Variants in TLL2 observed in about 807,000 individuals in gnomAD.
The protein encoded by TLL2 is tolloid like 2.
Under a neutral mutation model 123.0 loss-of-function variants are expected in TLL2, and 106 were observed. That is an observed-to-expected ratio of 0.86 (90% CI 0.74 to 1.01). The LOEUF (loss-of-function observed/expected upper bound fraction) is 1.01, where lower values mean the gene tolerates loss of function less well. Among genes scored for constraint, TLL2 ranks in the 50% least tolerant of loss-of-function variants. TLL2 has a pLI of 0.00. For missense variants in TLL2, 1,332 were observed against 1,336.7 expected (o/e 1.00, Z 0.06); for synonymous variants, 494 against 516.8 (o/e 0.96, Z 0.60).
At chr10:96,497,120 A>C (rs912082420) in intron 1 of TLL2, among the ~76,000 whole-genome samples, 1 of 145,890 alleles carries the variant, frequency 6.9e-6, no homozygotes, top group Non-Finnish European at 1.5e-5. Flanking sequence ...GTCTCTGCTA[A>C]AAAAAAAAAA....
At chr10:96,485,027 A>C (rs1237449617) in intron 1 of TLL2, among the ~76,000 whole-genome samples, 1 of 152,206 alleles carries the variant, frequency 6.6e-6, no homozygotes, top group East Asian at 1.9e-4. Flanking sequence ...CCAGATCTCC[A>C]TCTCCCTTTT....
intron 2 of TLL2, among the ~76,000 whole-genome samples, chr10:96,473,652 G>T (rs764335566): frequency 6.6e-6 from 1 of 152,158 alleles, no homozygotes; most frequent in Non-Finnish European, 1.5e-5. Flanking sequence ...ACATGGCCCC[G>T]TGGCTCAGAA....
At chr10:96,422,482 C>T (rs1028275636) in intron 6 of TLL2, 67 bp downstream of exon 6, 1 of 1,581,008 alleles carries the variant, frequency 6.3e-7, no homozygotes, top group Admixed American at 1.7e-5. Context: ...CTCCTTCCCT[C>T]CCTCCTGTCC....
rs56359235 is a variant in TLL2 at position 96,447,948 on chromosome 10, T to C, written c.287-1780A>G. 4.7e-3 allele frequency among the ~76,000 whole-genome samples: 717 copies of C among 152,136 alleles called. 7 individuals carry two copies. The highest frequency in any genetic ancestry group is 0.016 in the African/African-American group (680 of 41,494). On this transcript the variant is annotated intron_variant, in intron 2 of 20. Coordinates refer to ENST00000357947, the MANE Select transcript of TLL2 (RefSeq NM_012465.4). ...TTCCCTGGCCCCACAGATAAAGGCT[T>C]CCCACGCTGCTCAACCAAGGCTCAC...
At chr10:96,378,819 T>A in intron 17 of TLL2, 148 bp downstream of exon 17, 1 of 1,080,036 alleles carries the variant, frequency 9.3e-7, no homozygotes, top group South Asian at 1.6e-5. Context: ...TGGGGAAAAC[T>A]CTCCCGCAAG....
intron 1 of TLL2, among the ~76,000 whole-genome samples, chr10:96,481,910 A>T (rs1038794075): frequency 3.9e-5 from 6 of 152,206 alleles, no homozygotes; most frequent in African/African-American, 1.4e-4. Context: ...GGTTGATGAA[A>T]ATTCAGCATT....
chr10:96,395,320 C>T lies in TLL2; in HGVS notation c.1593G>A (p.Glu531=). ...YLEVRDGPTE[E]SALIGHFCGY... ...CACAAAAGTGGCCGATCAGGGCACT[C>T]TCTTCCGTGGGGCCATCCCGGACTT... The change falls in exon 13 of 21, where the codon GAG becomes GAA. Residue 531 remains glutamate, a synonymous_variant. Coordinates refer to ENST00000357947, the MANE Select transcript of TLL2 (RefSeq NM_012465.4). 6.2e-7 allele frequency: 1 copy of T among 1,613,838 alleles called. No homozygotes were observed. The highest frequency in any genetic ancestry group is 8.5e-7 in the Non-Finnish European group (1 of 1,179,934).
At chr10:96,492,274 C>T (rs1043387645) in intron 1 of TLL2, among the ~76,000 whole-genome samples, 2 of 151,620 alleles carry the variant, frequency 1.3e-5, no homozygotes, top group Admixed American at 6.6e-5. Context: ...CAAGGTCATG[C>T]AGGCAGGAAG....
chr10:96,468,740 G>GC (rs1167563195), intron 2 of TLL2, among the ~76,000 whole-genome samples: 1 of 152,128 alleles, frequency 6.6e-6, no homozygotes, highest in Admixed American at 6.5e-5. Context: ...CACCACCCTT[G>GC]CCCCACCTGG....
chr10:96,414,348 C>T (rs1167286227), intron 7 of TLL2, among the ~76,000 whole-genome samples: 4 of 152,204 alleles, frequency 2.6e-5, no homozygotes, highest in African/African-American at 9.7e-5. Context: ...TCTCAATCCA[C>T]CTGTGATCTG....
At position 96,373,819 on chromosome 10, in the gene TLL2, G is replaced by A. The variant is rs112497848; in HGVS notation, c.2449-10C>T. On this transcript the variant is annotated splice_polypyrimidine_tract_variant and intron_variant, in intron 18 of 20. Transcript: ENST00000357947. ...CAAACTCATTAAAGGTCTGGGGACA[G>A]AAGAGCAGAAAGTAAGGCAAGGGCC... 2 of 1,611,678 alleles carry A rather than the reference G, an allele frequency of 1.2e-6. No individual in the cohort carries two copies. Among genetic ancestry groups the A allele is most frequent in the African/African-American group, 1.3e-5 (1 of 75,026 alleles).
chr10:96,433,908 T>C (rs112993307), intron 3 of TLL2, among the ~76,000 whole-genome samples: 1,538 of 152,188 alleles, frequency 0.01, 29 homozygotes, highest in African/African-American at 0.033. Context: ...CCCGAGTAGT[T>C]GGTATAACAG....
intron 2 of TLL2, among the ~76,000 whole-genome samples, chr10:96,476,857 TACACACACACACACAC>T (rs56240059): frequency 1.2e-4 from 14 of 117,264 alleles, no homozygotes; most frequent in Admixed American, 3.4e-4. Flanking sequence ...CCTTTTATGT[TACACACACACACACAC>T]ACACACACAC....
At chr10:96,375,352 C>T (rs889376100) in intron 18 of TLL2, 4 of 152,218 alleles carry the variant, frequency 2.6e-5, no homozygotes, top group Non-Finnish European at 5.9e-5. Context: ...AGCCACCATC[C>T]GTTTCCCAAG....
chr10:96,392,082 T>C (rs1193559147), intron 13 of TLL2, among the ~76,000 whole-genome samples: 1 of 152,192 alleles, frequency 6.6e-6, no homozygotes, highest in Non-Finnish European at 1.5e-5. Context: ...AATCATTGTG[T>C]GCTTTCCTCG....
chr10:96,403,722 G>A (rs1366283295), intron 10 of TLL2, among the ~76,000 whole-genome samples: 1 of 152,072 alleles, frequency 6.6e-6, no homozygotes, highest in Non-Finnish European at 1.5e-5. Flanking sequence ...TAGTAAAAGA[G>A]GAAAGCCTCT....
intron 1 of TLL2, among the ~76,000 whole-genome samples, chr10:96,489,718 C>T (rs1847392605): frequency 6.6e-6 from 1 of 152,064 alleles, no homozygotes; most frequent in Non-Finnish European, 1.5e-5. Context: ...ATAAGCATAA[C>T]ATAAATAATA....
intron 1 of TLL2, among the ~76,000 whole-genome samples, chr10:96,494,820 C>T (rs1209413030): frequency 6.6e-6 from 1 of 152,192 alleles, no homozygotes; most frequent in Non-Finnish European, 1.5e-5. Flanking sequence ...AAACCACTTA[C>T]ATCAGAAGTG....
intron 10 of TLL2, among the ~76,000 whole-genome samples, chr10:96,400,992 G>A (rs1176048022): frequency 2.0e-5 from 3 of 152,064 alleles, no homozygotes; most frequent in Non-Finnish European, 2.9e-5. Flanking sequence ...CCTGGGTGTC[G>A]AAAAATAGCC....
Sources: gnomAD v4.1 joint callset for allele counts (sites outside exome capture counted in the v4.1 genomes callset) on GRCh38, gnomAD v4.1.1 for gene constraint, MANE v1.5 for transcripts, NCBI Gene and HGNC (gene_info 2026-07-23, HGNC 2026-07-21) for gene names.